Variants in PRIMA1 observed in about 807,000 individuals in gnomAD.
PRIMA1 encodes the protein proline rich membrane anchor 1, also known as proline-rich membrane anchor 1.
In PRIMA1, 7 loss-of-function variants were observed where a neutral mutation model predicts 17.5. The observed-to-expected ratio is 0.40, with a 90% CI of 0.23 to 0.75. PRIMA1 has a LOEUF of 0.75. Ranked by LOEUF, PRIMA1 falls within the 30% of genes least tolerant of loss-of-function variation. PRIMA1 has a pLI of 0.37. For missense variants in PRIMA1, 200 were observed against 201.8 expected, an observed-to-expected ratio of 0.99 and a Z score of 0.05; for synonymous variants, 97 against 77.9, an observed-to-expected ratio of 1.25 and a Z score of -1.29.
rs2076018695 is a variant in PRIMA1, at chr14:93,718,650, T to C, written c.*2794A>G. ...AGTTGTATTTATATATATATATATA[T>C]GTAGAGATCTCTTTAAATATATATA... On this transcript the variant is annotated 3_prime_UTR_variant, in exon 5 of 5. Transcript: ENST00000393140. The C allele has an allele frequency of 6.6e-6, 1 of 151,582 alleles. No homozygotes were observed. Among genetic ancestry groups the C allele is most frequent in the South Asian group, 2.1e-4 (1 of 4,790 alleles). The allele number at this position is 151,582 out of a possible 1,614,324, so 9.4% of individuals were successfully genotyped here.
At chr14:93,780,078 C>G (rs765023258) in intron 2 of PRIMA1, among the ~76,000 whole-genome samples, 1 of 152,260 alleles carries the variant, frequency 6.6e-6, no homozygotes, top group Non-Finnish European at 1.5e-5. Context: ...GCTCTCTCCC[C>G]ATCTCTCTGC....
intron 3 of PRIMA1, among the ~76,000 whole-genome samples, chr14:93,771,138 G>A (rs759021523): frequency 1.3e-4 from 18 of 143,114 alleles, no homozygotes; most frequent in Non-Finnish European, 2.7e-4. Context: ...GCATGTGCAC[G>A]TATGTGTGTG....
At chr14:93,756,823 G>A (rs979637641) in intron 3 of PRIMA1, among the ~76,000 whole-genome samples, 4 of 151,978 alleles carry the variant, frequency 2.6e-5, no homozygotes, top group Non-Finnish European at 4.4e-5. Context: ...CGGGTCTTTC[G>A]GACAAGCCTT....
At chr14:93,768,196 G>A (rs1469321427) in intron 3 of PRIMA1, among the ~76,000 whole-genome samples, 1 of 152,024 alleles carries the variant, frequency 6.6e-6, no homozygotes, top group Non-Finnish European at 1.5e-5. Context: ...TCAATGTTCA[G>A]TCCAGACTCC....
intron 3 of PRIMA1, among the ~76,000 whole-genome samples, chr14:93,752,690 A>G (rs1406673763): frequency 6.6e-6 from 1 of 151,884 alleles, no homozygotes; most frequent in Non-Finnish European, 1.5e-5. Context: ...AGACTTGGGC[A>G]GGTTTGGCAG....
intron 4 of PRIMA1, among the ~76,000 whole-genome samples, chr14:93,721,935 C>T (rs1202895133): frequency 6.6e-6 from 1 of 152,230 alleles, no homozygotes; most frequent in Non-Finnish European, 1.5e-5. Context: ...AAGAGAAGTG[C>T]TAGGGGTTGA....
chr14:93,721,618 G>A (rs1186643736), intron 4 of PRIMA1, 72 bp from the exon 5 acceptor site: 3 of 906,668 alleles, frequency 3.3e-6, no homozygotes, highest in Middle Eastern at 2.1e-4. Context: ...ATCACTGATG[G>A]TGGGGTGTAA....
Position 93,719,441 on chromosome 14 carries a change from G to C in PRIMA1, c.*2003C>G, listed in dbSNP as rs890720548. ...GCCAGGAACCTCCCCTCTTAGAGAA[G>C]GTGCCCTCTGATCACTCCTGAGCTT... On this transcript the variant is annotated 3_prime_UTR_variant, in exon 5 of 5. Transcript: ENST00000393140. 6.6e-6 allele frequency: 1 copy of C among 152,346 alleles called. No homozygotes were observed. 9.4% of individuals were successfully genotyped at this position (152,346 alleles called of 1,614,324 possible). A position where few individuals can be genotyped will look rare whatever the true frequency, so the allele number is the denominator to read the frequency against.
intron 3 of PRIMA1, among the ~76,000 whole-genome samples, chr14:93,744,217 T>C (rs1430496038): frequency 6.6e-6 from 1 of 152,230 alleles, no homozygotes; most frequent in African/African-American, 2.4e-5. Context: ...AAGTCTCTTC[T>C]GGGCTGACCA....
chr14:93,770,335 G>C (rs1384233019), intron 3 of PRIMA1, among the ~76,000 whole-genome samples: 1 of 152,252 alleles, frequency 6.6e-6, no homozygotes, highest in Non-Finnish European at 1.5e-5. Flanking sequence ...CTGCACTTCA[G>C]ATAAAATCCA....
chr14:93,747,654 G>C (rs998179343), intron 3 of PRIMA1, among the ~76,000 whole-genome samples: 1 of 150,846 alleles, frequency 6.6e-6, no homozygotes, highest in East Asian at 2.0e-4. Flanking sequence ...TATTGTGTAT[G>C]AGTGTGTGAG....
At chr14:93,728,247 G>A (rs552365916) in intron 4 of PRIMA1, among the ~76,000 whole-genome samples, 119 of 152,338 alleles carry the variant, frequency 7.8e-4, no homozygotes, top group African/African-American at 2.7e-3. Context: ...CACCAGGTTG[G>A]TAGTCATCTG....
chr14:93,755,994 C>T (rs942763115), intron 3 of PRIMA1, among the ~76,000 whole-genome samples: 1 of 152,220 alleles, frequency 6.6e-6, no homozygotes, highest in Admixed American at 6.5e-5. Context: ...TTCTCTCCTT[C>T]TCTCCCTCCC....
At chr14:93,773,756 C>A (rs1298451594) in intron 3 of PRIMA1, among the ~76,000 whole-genome samples, 1 of 152,158 alleles carries the variant, frequency 6.6e-6, no homozygotes, top group African/African-American at 2.4e-5. Flanking sequence ...GGCCAAGCTG[C>A]CCTCTCCAGC....
chr14:93,754,425 G>C (rs896769708), intron 3 of PRIMA1, among the ~76,000 whole-genome samples: 1 of 151,006 alleles, frequency 6.6e-6, no homozygotes, highest in Non-Finnish European at 1.5e-5. Flanking sequence ...CATTGCCTAG[G>C]GGGGCCATGG....
At chr14:93,736,221 A>C (rs112868920) in intron 4 of PRIMA1, among the ~76,000 whole-genome samples, 1 of 152,124 alleles carries the variant, frequency 6.6e-6, no homozygotes, top group African/African-American at 2.4e-5. Flanking sequence ...GTGTGTAGTC[A>C]GGGCTGGGCT....
chr14:93,767,438 G>A (rs1884924543), intron 3 of PRIMA1, among the ~76,000 whole-genome samples: 1 of 152,172 alleles, frequency 6.6e-6, no homozygotes, highest in Non-Finnish European at 1.5e-5. Flanking sequence ...GTTAGAGAAT[G>A]CCCGGCACTA....
intron 3 of PRIMA1, among the ~76,000 whole-genome samples, chr14:93,768,373 C>T (rs943656951): frequency 6.6e-6 from 1 of 152,226 alleles, no homozygotes; most frequent in Non-Finnish European, 1.5e-5. Flanking sequence ...CATCACACCT[C>T]ACCTGTTTCT....
At chr14:93,771,389 G>C (rs1429079411) in intron 3 of PRIMA1, among the ~76,000 whole-genome samples, 1 of 152,150 alleles carries the variant, frequency 6.6e-6, no homozygotes, top group East Asian at 1.9e-4. Context: ...TTCAAATTCA[G>C]CCACCATGTT....
Sources: gnomAD v4.1 joint callset for allele counts (sites outside exome capture counted in the v4.1 genomes callset) on GRCh38, gnomAD v4.1.1 for gene constraint, MANE v1.5 for transcripts, NCBI Gene and HGNC (gene_info 2026-07-23, HGNC 2026-07-21) for gene names.